Variants in SKIC3 observed in about 807,000 individuals in gnomAD.
SKIC3 encodes superkiller complex protein 3.
the SKIC3 span, among the ~76,000 whole-genome samples, chr5:95,538,710 TC>T: frequency 6.6e-6 from 1 of 152,136 alleles, no homozygotes; most frequent in Non-Finnish European, 1.5e-5. Flanking sequence ...TTACAAAAAT[TC>T]TCTTCAATTA....
chr5:95,471,811 A>G, the SKIC3 span, among the ~76,000 whole-genome samples: 1 of 152,098 alleles, frequency 6.6e-6, no homozygotes, highest in African/African-American at 2.4e-5. Context: ...CTTTTTCTCA[A>G]TCTGGCTTTA....
the SKIC3 span, among the ~76,000 whole-genome samples, chr5:95,512,296 T>G: frequency 2.6e-5 from 4 of 152,224 alleles, no homozygotes; most frequent in African/African-American, 9.6e-5. Flanking sequence ...AATTTTTATC[T>G]TTCTTCAAAA....
the SKIC3 span, among the ~76,000 whole-genome samples, chr5:95,493,681 T>C: frequency 1.6e-4 from 24 of 152,186 alleles, no homozygotes; most frequent in Admixed American, 5.9e-4. Flanking sequence ...TACAATTTAT[T>C]GTGAAGATAA....
the SKIC3 span, chr5:95,491,032 A>G: frequency 6.2e-7 from 1 of 1,613,978 alleles, no homozygotes; most frequent in Non-Finnish European, 8.5e-7. Context: ...AGATAGCAGG[A>G]TCACCTGAAA....
the SKIC3 span, among the ~76,000 whole-genome samples, chr5:95,480,760 G>A: frequency 1.3e-5 from 2 of 152,064 alleles, no homozygotes; most frequent in Non-Finnish European, 2.9e-5. Flanking sequence ...ACAGTAAAAT[G>A]AATAAATATT....
chr5:95,550,792 A>AT, the SKIC3 span: 1 of 152,384 alleles, frequency 6.6e-6, no homozygotes, highest in South Asian at 2.1e-4. Flanking sequence ...AATTTTTAGT[A>AT]TTTTTATTCT....
chr5:95,484,675 C>T, the SKIC3 span: 3 of 1,613,096 alleles, frequency 1.9e-6, no homozygotes, highest in Non-Finnish European at 2.5e-6. Flanking sequence ...AAGTTATTTT[C>T]CCAGTAAGAT....
the SKIC3 span, chr5:95,514,996 C>G: frequency 6.9e-7 from 1 of 1,450,866 alleles, no homozygotes; most frequent in Non-Finnish European, 9.5e-7. Flanking sequence ...GTTTAAAAAG[C>G]ATAAAATAAG....
At chr5:95,554,013 G>T in the SKIC3 span, among the ~76,000 whole-genome samples, 1 of 152,164 alleles carries the variant, frequency 6.6e-6, no homozygotes, top group African/African-American at 2.4e-5. Context: ...GGCTCCCTGT[G>T]TAAACTCAGG....
At chr5:95,507,111 T>G in the SKIC3 span, 4 of 1,103,918 alleles carry the variant, frequency 3.6e-6, no homozygotes, top group Admixed American at 7.3e-5. Context: ...TTAATTCTAC[T>G]AATTCTTTGG....
chr5:95,550,012 A>G, the SKIC3 span, among the ~76,000 whole-genome samples: 2 of 152,072 alleles, frequency 1.3e-5, no homozygotes, highest in Non-Finnish European at 2.9e-5. Flanking sequence ...ATTCTTCCAC[A>G]ATATAACTCC....
At chr5:95,513,526 C>A in the SKIC3 span, 2 of 1,588,228 alleles carry the variant, frequency 1.3e-6, no homozygotes, top group South Asian at 2.2e-5. Context: ...AAGGATAACA[C>A]TTTTCTCATT....
chr5:95,495,127 AC>A, the SKIC3 span: 1 of 1,005,778 alleles, frequency 9.9e-7, no homozygotes, highest in Non-Finnish European at 1.6e-6. Flanking sequence ...GTTCAGTTTT[AC>A]CACATTCACA....
chr5:95,553,683 C>T, the SKIC3 span, among the ~76,000 whole-genome samples: 23 of 152,196 alleles, frequency 1.5e-4, 1 homozygote, highest in Admixed American at 1.5e-3. Flanking sequence ...CCTCAGCCTC[C>T]CTAGTAGCTG....
At chr5:95,464,904 A>G in the SKIC3 span, among the ~76,000 whole-genome samples, 1 of 147,988 alleles carries the variant, frequency 6.8e-6, no homozygotes, top group African/African-American at 2.5e-5. Flanking sequence ...AAATTAGTAT[A>G]GATGCCAACA....
At chr5:95,467,307 A>C in the SKIC3 span, among the ~76,000 whole-genome samples, 1 of 152,188 alleles carries the variant, frequency 6.6e-6, no homozygotes, top group Non-Finnish European at 1.5e-5. Flanking sequence ...TTTATTACTG[A>C]AAATAAAAAA....
At chr5:95,503,979 A>G in the SKIC3 span, 3 of 1,604,842 alleles carry the variant, frequency 1.9e-6, no homozygotes, top group South Asian at 2.2e-5. Flanking sequence ...ATCAAAAGTA[A>G]TTCTGGTGTG....
chr5:95,529,955 A>G, the SKIC3 span: 1 of 1,005,290 alleles, frequency 9.9e-7, no homozygotes, highest in South Asian at 1.5e-5. Flanking sequence ...ACCTAAGCAG[A>G]GTCCAAGGTA....
the SKIC3 span, among the ~76,000 whole-genome samples, chr5:95,496,843 G>A: frequency 6.6e-6 from 1 of 152,130 alleles, no homozygotes; most frequent in South Asian, 2.1e-4. Flanking sequence ...TTACCATTAT[G>A]TTTACCAACT....
Sources: gnomAD v4.1 joint callset for allele counts (sites outside exome capture counted in the v4.1 genomes callset) on GRCh38, gnomAD v4.1.1 for gene constraint, MANE v1.5 for transcripts, NCBI Gene and HGNC (gene_info 2026-07-23, HGNC 2026-07-21) for gene names.